ESR1: variants seen among roughly 807,000 people sequenced by gnomAD.
The protein encoded by ESR1 is estrogen receptor 1.
A neutral mutation model predicts 52.7 loss-of-function variants in ESR1; 12 were observed. The observed-to-expected ratio is 0.23, with a 90% CI of 0.15 to 0.37. ESR1 has a LOEUF of 0.37. Among genes scored for constraint, ESR1 ranks in the 10% least tolerant of loss-of-function variants. The pLI is 1.00. For synonymous variants in ESR1, 305 were observed against 316.8 expected, an observed-to-expected ratio of 0.96 and a Z score of 0.39; for missense variants, 584 against 779.7, an observed-to-expected ratio of 0.75 and a Z score of 2.99.
rs551130497 is a variant in ESR1, at chr6:151,750,393, A to G, written c.-71+48388A>G. On this transcript the variant is annotated intron_variant, in intron 2 of 2. Transcript: ENST00000404742. The stretch of plus-strand genomic sequence containing the variant: ...ACAGTTGGTGACTGGTAATTTGTAC[A>G]GTATGTTTAGTGGGACGGCGGGCAA... 4.6e-5 allele frequency among the ~76,000 whole-genome samples: 7 copies of G among 152,292 alleles called. No homozygotes were observed. In the South Asian group the frequency reaches 8.3e-4, roughly 18 times the overall value.
chr6:151,804,396 C>T (rs1442760404), upstream of ESR1: 1 of 152,254 alleles, frequency 6.6e-6, no homozygotes, highest in Non-Finnish European at 1.5e-5. Context: ...TCTCTCCTCC[C>T]TCCCTGAATA....
chr6:151,953,033 G>A (rs2036489677), intron 4 of ESR1, among the ~76,000 whole-genome samples: 1 of 152,138 alleles, frequency 6.6e-6, no homozygotes, highest in Non-Finnish European at 1.5e-5. Flanking sequence ...TTCACAAATT[G>A]AGATTCCTTA....
chr6:151,681,931 A>G (rs1778477329), intron 1 of ESR1, among the ~76,000 whole-genome samples: 1 of 152,172 alleles, frequency 6.6e-6, no homozygotes, highest in South Asian at 2.1e-4. Context: ...TGCAGCTGGC[A>G]GTCTCCGGTG....
intron 4 of ESR1, among the ~76,000 whole-genome samples, chr6:151,946,783 A>G (rs1034933666): frequency 7.9e-5 from 12 of 152,224 alleles, no homozygotes; most frequent in African/African-American, 2.9e-4. Flanking sequence ...AAAAATAGTC[A>G]TTGATTTTAA....
intron 3 of ESR1, among the ~76,000 whole-genome samples, chr6:151,884,624 A>G (rs1793540531): frequency 6.6e-6 from 1 of 152,204 alleles, no homozygotes; most frequent in Admixed American, 6.5e-5. Flanking sequence ...TGAACTAACA[A>G]TTTTAATCTG....
chr6:152,003,340 ATGTGTGTGTGTG>A (rs60787638), intron 4 of ESR1, among the ~76,000 whole-genome samples: 22 of 145,642 alleles, frequency 1.5e-4, no homozygotes, highest in Admixed American at 4.8e-4. Context: ...AAGGGTAATT[ATGTGTGTGTGTG>A]TGTGTGTGTG....
At chr6:151,985,686 G>T (rs2040421539) in intron 4 of ESR1, among the ~76,000 whole-genome samples, 1 of 151,916 alleles carries the variant, frequency 6.6e-6, no homozygotes, top group Non-Finnish European at 1.5e-5. Context: ...TATTTATTTT[G>T]AGACAGTGTC....
chr6:151,760,687 C>T (rs1220248250), intron 2 of ESR1, among the ~76,000 whole-genome samples: 2 of 152,170 alleles, frequency 1.3e-5, no homozygotes, highest in African/African-American at 4.8e-5. Flanking sequence ...CGAGTTGCTG[C>T]CCCCCAGCAC....
At chr6:152,120,519 A>G (rs2051293505) in intron 6 of ESR1, among the ~76,000 whole-genome samples, 1 of 152,224 alleles carries the variant, frequency 6.6e-6, no homozygotes, top group Non-Finnish European at 1.5e-5. Context: ...ATCTGACGGC[A>G]AGAAGCCGAG....
intron 4 of ESR1, among the ~76,000 whole-genome samples, chr6:151,953,205 T>C (rs1299375144): frequency 6.6e-6 from 1 of 152,170 alleles, no homozygotes; most frequent in Non-Finnish European, 1.5e-5. Context: ...AAGCTATTTA[T>C]CCCCAAACAG....
intron 1 of ESR1, among the ~76,000 whole-genome samples, chr6:151,663,734 A>G (rs1777719592): frequency 6.6e-6 from 1 of 152,196 alleles, no homozygotes; most frequent in East Asian, 1.9e-4. Flanking sequence ...TTATACATAG[A>G]ACAATTAAGG....
At chr6:152,110,275 A>G (rs182267401) in intron 6 of ESR1, among the ~76,000 whole-genome samples, 55 of 152,328 alleles carry the variant, frequency 3.6e-4, no homozygotes, top group South Asian at 1.2e-3. Flanking sequence ...TTAGTTTTGC[A>G]TGTAATGCCT....
At position 151,769,562 on chromosome 6, in the gene ESR1, T is replaced by C. The variant is rs547947610; in HGVS notation, c.-70-38281T>C. On this transcript the variant is annotated intron_variant, in intron 2 of 2. Transcript: ENST00000404742. ...TTGACAGAGTTGGTGATTGACTGAA[T>C]GGACACTGAATATCTAGGCTAAAAG... Among the ~76,000 whole-genome samples the C allele has an allele frequency of 4.6e-5, 7 of 152,288 alleles. No homozygotes were observed. In the East Asian group the frequency reaches 1.4e-3, roughly 29 times the overall value.
chr6:151,958,594 C>G (rs1205029572), intron 4 of ESR1, among the ~76,000 whole-genome samples: 1 of 152,168 alleles, frequency 6.6e-6, no homozygotes, highest in Non-Finnish European at 1.5e-5. Flanking sequence ...GTGAAAAATT[C>G]TGGTCATTCA....
chr6:151,880,207 G>A (rs1290592594), intron 2 of ESR1, among the ~76,000 whole-genome samples: 1 of 115,684 alleles, frequency 8.6e-6, no homozygotes, highest in Non-Finnish European at 1.8e-5. Context: ...TTTTGAGATG[G>A]ATTCTCACTC....
intron 4 of ESR1, among the ~76,000 whole-genome samples, chr6:151,958,816 C>T (rs937076724): frequency 6.6e-6 from 1 of 152,170 alleles, no homozygotes; most frequent in African/African-American, 2.4e-5. Flanking sequence ...AGCATCACTC[C>T]CCTGTACCTC....
chr6:151,937,220 C>T (rs186415861), intron 3 of ESR1, among the ~76,000 whole-genome samples: 3 of 152,134 alleles, frequency 2.0e-5, no homozygotes, highest in Non-Finnish European at 2.9e-5. Context: ...AAAATAAATT[C>T]TTCCCCTAAT....
At chr6:151,774,865 A>G (rs965999486) in intron 2 of ESR1, among the ~76,000 whole-genome samples, 22 of 152,248 alleles carry the variant, frequency 1.4e-4, no homozygotes, top group African/African-American at 5.3e-4. Flanking sequence ...ACACCATTAT[A>G]TAAATAACTA....
chr6:151,815,093 G>T lies in ESR1; in HGVS notation c.452+6729G>T, dbSNP rs147555339. Among the ~76,000 whole-genome samples, 5 of 152,290 alleles carry T rather than the reference G, an allele frequency of 3.3e-5. No individual in the cohort carries two copies. The South Asian group carries it at 1.0e-3, about 32-fold the overall frequency. ...TTTTCAATGGTGATTTTGCGGGAGT[G>T]GGGTAACAGTTTCGAAAGCAACATT... is the stretch of plus-strand genomic sequence containing the variant. On this transcript the variant is annotated intron_variant, in intron 1 of 7. Transcript: ENST00000206249.
Sources: gnomAD v4.1 joint callset for allele counts (sites outside exome capture counted in the v4.1 genomes callset) on GRCh38, gnomAD v4.1.1 for gene constraint, MANE v1.5 for transcripts, NCBI Gene and HGNC (gene_info 2026-07-23, HGNC 2026-07-21) for gene names.